The following SMOC2 variants were observed in gnomAD, a reference collection of about 807,000 sequenced individuals.
The protein encoded by SMOC2 is SPARC related modular calcium binding 2.
Under a neutral mutation model 61.4 loss-of-function variants are expected in SMOC2, and 39 were observed. The observed-to-expected ratio is 0.64, with a 90% CI of 0.49 to 0.83. SMOC2 has a LOEUF of 0.83. Among genes scored for constraint, SMOC2 ranks in the 40% least tolerant of loss-of-function variants. The pLI is 0.00. For synonymous variants in SMOC2, 247 were observed against 239.9 expected (o/e 1.03, Z -0.27); for missense variants, 556 against 592.9 (o/e 0.94, Z 0.65).
At chr6:168,530,840 G>A (rs1783582629) in intron 4 of SMOC2, among the ~76,000 whole-genome samples, 1 of 152,164 alleles carries the variant, frequency 6.6e-6, no homozygotes, top group South Asian at 2.1e-4. Flanking sequence ...GCATTCACCT[G>A]TGTGGGAGGA....
intron 1 of SMOC2, among the ~76,000 whole-genome samples, chr6:168,508,605 C>T (rs1316244961): frequency 6.6e-6 from 1 of 152,166 alleles, no homozygotes; most frequent in African/African-American, 2.4e-5. Flanking sequence ...ATGCAGCATC[C>T]TGAGTTGGTG....
intron 2 of SMOC2, among the ~76,000 whole-genome samples, chr6:168,510,470 C>G (rs956637678): frequency 7.2e-5 from 11 of 152,174 alleles, no homozygotes; most frequent in Non-Finnish European, 1.6e-4. Context: ...TGATTTTATA[C>G]TCTCAATTTT....
chr6:168,518,621 CTG>C (rs61627744), intron 2 of SMOC2, among the ~76,000 whole-genome samples: 16,282 of 149,544 alleles, frequency 0.11, 1,046 homozygotes, highest in South Asian at 0.19. Context: ...GCATGTATGA[CTG>C]AGTGCATGTG....
intron 2 of SMOC2, among the ~76,000 whole-genome samples, chr6:168,519,305 C>T (rs1336153573): frequency 6.6e-6 from 1 of 152,058 alleles, no homozygotes; most frequent in East Asian, 1.9e-4. Context: ...CTTTCTGTGC[C>T]CTGGGCTCCT....
chr6:168,461,895 G>A (rs541178484), intron 1 of SMOC2, among the ~76,000 whole-genome samples: 2 of 152,268 alleles, frequency 1.3e-5, no homozygotes, highest in Non-Finnish European at 2.9e-5. Context: ...TTTAAGTCAA[G>A]GATACGATGT....
intron 1 of SMOC2, among the ~76,000 whole-genome samples, chr6:168,466,191 T>C (rs1306876976): frequency 7.0e-6 from 1 of 141,952 alleles, no homozygotes; most frequent in Non-Finnish European, 1.5e-5. Context: ...AGCTGGAACA[T>C]TGGGGGCTCT....
chr6:168,501,953 G>A (rs150822298), intron 1 of SMOC2, among the ~76,000 whole-genome samples: 23 of 152,234 alleles, frequency 1.5e-4, no homozygotes, highest in Non-Finnish European at 3.1e-4. Flanking sequence ...TCTGTGCAGG[G>A]CTGAGCCCCT....
At chr6:168,476,478 G>A (rs1000397236) in intron 1 of SMOC2, among the ~76,000 whole-genome samples, 1 of 134,536 alleles carries the variant, frequency 7.4e-6, no homozygotes, top group Non-Finnish European at 1.5e-5. Flanking sequence ...GTGTGTGTGT[G>A]TGTATGTGTG....
intron 11 of SMOC2, among the ~76,000 whole-genome samples, chr6:168,661,130 C>T (rs551947285): frequency 9.1e-4 from 136 of 150,224 alleles, no homozygotes; most frequent in African/African-American, 3.3e-3. Context: ...TTTTTTTTGA[C>T]TTAAAAAAAT....
Position 168,598,921 on chromosome 6 carries a change from G to T in SMOC2, c.741G>T (p.Lys247Asn), listed in dbSNP as rs763107518. 1.2e-6 allele frequency: 2 copies of T among 1,613,772 alleles called. No individual in the cohort carries two copies. The highest frequency in any genetic ancestry group is 1.7e-6 in the Non-Finnish European group (2 of 1,179,802). The change falls in exon 8 of 13, where the codon AAG becomes AAT. Residue 247 changes from lysine to asparagine, a missense_variant. Transcript: ENST00000356284. Reference sequence around the variant, plus strand: ...AGTGTGCGCACGGCGGCCTCTACAAGCCAGTGCAGTGCCACCCCTCCACGG... The same window carrying T: ...AGTGTGCGCACGGCGGCCTCTACAATCCAGTGCAGTGCCACCCCTCCACGG... ...IPECAHGGLY[K>N]PVQCHPSTGY...
In SMOC2 at chr6:168,666,940, T is replaced by C. The variant is rs1025488322; in HGVS notation, c.*502T>C. ...TGGGATTTTCTGTTAGTTTGTCTTGTTTTGCTTTCCAGAGATCTTGCTCAT... is the reference window on the plus strand; with the variant it reads ...TGGGATTTTCTGTTAGTTTGTCTTGCTTTGCTTTCCAGAGATCTTGCTCAT... On this transcript the variant is annotated 3_prime_UTR_variant, in exon 13 of 13. Transcript: ENST00000356284. The C allele has an allele frequency of 3.2e-5, 5 of 153,914 alleles. No homozygotes were observed. Among genetic ancestry groups the C allele is most frequent in the Non-Finnish European group, 7.2e-5 (5 of 69,264 alleles). 9.5% of individuals were successfully genotyped at this position (153,914 alleles called of 1,614,324 possible).
intron 8 of SMOC2, among the ~76,000 whole-genome samples, chr6:168,599,933 C>G (rs1321843667): frequency 6.6e-6 from 1 of 151,120 alleles, no homozygotes; most frequent in African/African-American, 2.4e-5. Context: ...CCCTCTCATA[C>G]ACACCCACAC....
At chr6:168,460,712 A>G (rs1025100116) in intron 1 of SMOC2, among the ~76,000 whole-genome samples, 1 of 152,206 alleles carries the variant, frequency 6.6e-6, no homozygotes, top group African/African-American at 2.4e-5. Context: ...ACATTTTAAC[A>G]TTGAAGTTGA....
chr6:168,611,487 C>T (rs1250221264), intron 9 of SMOC2, among the ~76,000 whole-genome samples: 1 of 125,290 alleles, frequency 8.0e-6, no homozygotes, highest in East Asian at 2.5e-4. Flanking sequence ...TGTCCGGGAC[C>T]CACCGTGGCT....
chr6:168,467,362 A>G (rs1472703342), intron 1 of SMOC2, among the ~76,000 whole-genome samples: 1 of 151,114 alleles, frequency 6.6e-6, no homozygotes, highest in South Asian at 2.1e-4. Context: ...GCTGGAGTGC[A>G]GTGGAGCAAT....
chr6:168,456,217 A>G (rs1414138588), intron 1 of SMOC2, among the ~76,000 whole-genome samples: 1 of 152,242 alleles, frequency 6.6e-6, no homozygotes, highest in Non-Finnish European at 1.5e-5. Flanking sequence ...GGTCCCACAC[A>G]CATCGTTCCC....
intron 6 of SMOC2, among the ~76,000 whole-genome samples, 175 bp from the exon 7 acceptor site, chr6:168,548,954 T>C (rs1784068703): frequency 6.6e-6 from 1 of 152,228 alleles, no homozygotes. Flanking sequence ...AAATGTATAT[T>C]ATGATTTCCT....
chr6:168,641,755 C>T (rs912648360), intron 9 of SMOC2, among the ~76,000 whole-genome samples: 13 of 152,290 alleles, frequency 8.5e-5, no homozygotes, highest in African/African-American at 2.2e-4. Flanking sequence ...TTGGCTTTCC[C>T]GGCCACATCT....
At chr6:168,526,616 C>G (rs1783461409) in intron 3 of SMOC2, among the ~76,000 whole-genome samples, 164 bp downstream of exon 3, 2 of 152,084 alleles carry the variant, frequency 1.3e-5, no homozygotes, top group African/African-American at 4.8e-5. Context: ...TCGTAATGAG[C>G]CTACTTGGCA....
Sources: allele counts gnomAD v4.1 joint callset (sites outside exome capture counted in the v4.1 genomes callset), GRCh38; gene constraint gnomAD v4.1.1; transcripts MANE v1.5; gene names NCBI Gene and HGNC (gene_info 2026-07-23, HGNC 2026-07-21).